The following RFC2 variants were observed in gnomAD, a reference collection of about 807,000 sequenced individuals.
RFC2 encodes the protein replication factor C subunit 2.
In RFC2, 34 loss-of-function variants were observed where a neutral mutation model predicts 44.8. The ratio of observed to expected loss-of-function variants is 0.76; its 90% CI spans 0.58 to 1.01. The LOEUF (loss-of-function observed/expected upper bound fraction) is 1.01, where lower values mean the gene tolerates loss of function less well. RFC2 is among the 50% of genes least tolerant of loss of function. The pLI is 0.00. For synonymous variants in RFC2, 177 were observed against 168.9 expected (o/e 1.05, Z -0.37); for missense variants, 400 against 453.6 (o/e 0.88, Z 1.07).
chr7:74,244,710 G>A (rs1428455241), intron 5 of RFC2, among the ~76,000 whole-genome samples: 2 of 151,526 alleles, frequency 1.3e-5, no homozygotes, highest in Non-Finnish European at 2.9e-5. Flanking sequence ...CCTCATGCCT[G>A]CAATCCTAGC....
intron 6 of RFC2, 135 bp from the exon 7 acceptor site, chr7:74,240,230 C>T (rs868919062): frequency 1.4e-5 from 10 of 707,594 alleles, no homozygotes; most frequent in Non-Finnish European, 2.3e-5. Context: ...AGGCCGGACA[C>T]GAGGGCTCAC....
At chr7:74,236,427 G>T (rs3135693) in intron 9 of RFC2, among the ~76,000 whole-genome samples, 1 of 152,154 alleles carries the variant, frequency 6.6e-6, no homozygotes, top group Non-Finnish European at 1.5e-5. Context: ...AGTTTGTTAG[G>T]GGGTAGGCAG....
intron 2 of RFC2, among the ~76,000 whole-genome samples, chr7:74,252,098 C>CA (rs140868309): frequency 0.014 from 303 of 21,558 alleles, 27 homozygotes; most frequent in East Asian, 0.032. Flanking sequence ...GGCTCCATCT[C>CA]AAAAAAAAAA....
At chr7:74,249,218 C>G in intron 3 of RFC2, 100 bp from the exon 4 acceptor site, 1 of 1,576,016 alleles carries the variant, frequency 6.3e-7, no homozygotes, top group South Asian at 1.1e-5. Flanking sequence ...TCACCTCTGA[C>G]CCCTGCATTC....
rs1387433557 is a variant in RFC2 at position 74,239,996 on chromosome 7, G to T, written c.635C>A (p.Pro212His). 1.2e-6 allele frequency: 2 copies of T among 1,613,612 alleles called. No homozygotes were observed. Among genetic ancestry groups the T allele is most frequent in the African/African-American group, 2.7e-5 (2 of 74,898 alleles). Residue 212 changes from proline (P) to histidine (H), a missense_variant, in exon 7 of 11, where the codon CCC becomes CAC. Physicochemically the swap from Pro to His is moderately conservative, Grantham distance 77. Transcript: ENST00000055077. ...LMNVIEKERVPYTDDGLEAII... is the reference protein window; with the variant it reads ...LMNVIEKERVHYTDDGLEAII... ...GGCTTCTAGGCCGTCATCAGTGTAG[G>T]GTACCCTCTCCTTCTCGATAACATT...
chr7:74,242,262 C>T (rs1021587556), intron 6 of RFC2, among the ~76,000 whole-genome samples: 1 of 152,190 alleles, frequency 6.6e-6, no homozygotes, highest in African/African-American at 2.4e-5. Flanking sequence ...TCAACAACAT[C>T]CTTGTGCCTC....
chr7:74,234,266 T>C (rs3135704), intron 10 of RFC2, among the ~76,000 whole-genome samples: 10,769 of 152,114 alleles, frequency 0.071, 1,252 homozygotes, highest in African/African-American at 0.24. Flanking sequence ...CTGTATCCCA[T>C]GAAACAGAAA....
intron 3 of RFC2, 26 bp downstream of exon 3, chr7:74,249,713 C>T (rs1554720726): frequency 6.2e-7 from 1 of 1,604,976 alleles, no homozygotes; most frequent in South Asian, 1.1e-5. Context: ...TGGAGACACT[C>T]AACAGGCCCA....
intron 10 of RFC2, among the ~76,000 whole-genome samples, chr7:74,233,131 A>G (rs1244174778): frequency 2.0e-5 from 3 of 152,114 alleles, no homozygotes; most frequent in Non-Finnish European, 4.4e-5. Context: ...GGATTGCTTG[A>G]GCATGGAAGG....
Position 74,237,049 on chromosome 7 carries a change from C to T in RFC2, c.840+313G>A, listed in dbSNP as rs556017159. The stretch of plus-strand genomic sequence containing the variant: ...AATCAGTTTTCTCATCAGTAAAGTG[C>T]ACCCAACTCCTAGCATAATTTTTTT... On this transcript the variant is annotated intron_variant, in intron 9 of 10. Coordinates refer to ENST00000055077, the MANE Select transcript of RFC2 (RefSeq NM_181471.3). Among the ~76,000 whole-genome samples the T allele has an allele frequency of 3.3e-5, 5 of 151,912 alleles. No homozygotes were observed. The South Asian group carries it at 6.2e-4, about 19-fold the overall frequency.
intron 5 of RFC2, among the ~76,000 whole-genome samples, chr7:74,244,855 T>G (rs766687567): frequency 7.9e-5 from 12 of 151,676 alleles, no homozygotes; most frequent in Non-Finnish European, 1.2e-4. Context: ...TCTCCGCTAC[T>G]TGGGAGGCTG....
intron 7 of RFC2, among the ~76,000 whole-genome samples, chr7:74,239,270 G>T (rs1584249153): frequency 6.7e-6 from 1 of 149,852 alleles, no homozygotes; most frequent in South Asian, 2.1e-4. Context: ...CCGTATCCCA[G>T]GTTCAAGCGA....
intron 1 of RFC2, among the ~76,000 whole-genome samples, chr7:74,253,010 G>A (rs1257775879): frequency 2.0e-5 from 3 of 152,208 alleles, no homozygotes; most frequent in Non-Finnish European, 2.9e-5. Context: ...CATGAGAATT[G>A]TACAGCATAG....
chr7:74,247,988 T>C (rs1803719044), intron 4 of RFC2, among the ~76,000 whole-genome samples: 1 of 151,828 alleles, frequency 6.6e-6, no homozygotes, highest in African/African-American at 2.4e-5. Context: ...AGAGATGGGG[T>C]TTCATTATGT....
At chr7:74,250,440 A>G (rs1786864161) in intron 2 of RFC2, among the ~76,000 whole-genome samples, 1 of 151,932 alleles carries the variant, frequency 6.6e-6, no homozygotes, top group South Asian at 2.1e-4. Flanking sequence ...ACAGGTACTC[A>G]CCTCGGCATC....
At chr7:74,252,615 T>C (rs1483341271) in intron 1 of RFC2, 117 bp from the exon 2 acceptor site, 2 of 708,206 alleles carry the variant, frequency 2.8e-6, no homozygotes, top group East Asian at 2.6e-5. Context: ...AGTACAACTA[T>C]GCCAAATGGT....
At chr7:74,252,394 G>C in intron 2 of RFC2, 35 bp downstream of exon 2, 1 of 1,217,016 alleles carries the variant, frequency 8.2e-7, no homozygotes, top group Non-Finnish European at 1.2e-6. Context: ...GCGACAGAGC[G>C]AGACTCTGTC....
At chr7:74,239,091 G>T in intron 7 of RFC2, 103 bp from the exon 8 acceptor site, 1 of 883,134 alleles carries the variant, frequency 1.1e-6, no homozygotes. Flanking sequence ...TCGAACTCCT[G>T]GGCTTAAGCG....
At chr7:74,250,086 G>A (rs1786831806) in intron 2 of RFC2, among the ~76,000 whole-genome samples, 1 of 151,626 alleles carries the variant, frequency 6.6e-6, no homozygotes, top group Admixed American at 6.6e-5. Flanking sequence ...CTGAGAAGTG[G>A]AGGCCGCAGT....
Sources: gnomAD v4.1 joint callset for allele counts (sites outside exome capture counted in the v4.1 genomes callset) on GRCh38, gnomAD v4.1.1 for gene constraint, MANE v1.5 for transcripts, NCBI Gene and HGNC (gene_info 2026-07-23, HGNC 2026-07-21) for gene names.